RBMS3: variants seen among roughly 807,000 people sequenced by gnomAD.
RBMS3 encodes the protein RNA binding motif single stranded interacting protein 3.
Under a neutral mutation model 66.8 loss-of-function variants are expected in RBMS3, and 27 were observed. The ratio of observed to expected loss-of-function variants is 0.40; its 90% CI spans 0.30 to 0.56. The LOEUF (loss-of-function observed/expected upper bound fraction) is 0.56, where lower values mean the gene tolerates loss of function less well. RBMS3 is among the 20% of genes least tolerant of loss of function. The pLI is 0.40. For synonymous variants in RBMS3, 188 were observed against 183.0 expected, an observed-to-expected ratio of 1.03 and a Z score of -0.22; for missense variants, 513 against 549.5, an observed-to-expected ratio of 0.93 and a Z score of 0.66.
chr3:29,762,970 A>G lies in RBMS3; in HGVS notation c.618A>G (p.Lys206=). ...VIQHFNGKYL[K]TPPGIPAPSE... is the part of the protein sequence containing the mutation. ...AACATTTTAATGGAAAATATCTGAA[A>G]ACACCACCAGGCATCCCAGGTAAGA... The change falls in exon 6 of 15, where the codon AAA becomes AAG. Residue 206 remains lysine, a synonymous_variant. Transcript: ENST00000383767. The G allele has an allele frequency of 6.2e-7, 1 of 1,608,082 alleles. No homozygotes were observed. Among genetic ancestry groups the G allele is most frequent in the Non-Finnish European group, 8.5e-7 (1 of 1,176,296 alleles).
At chr3:29,764,503 C>T (rs1156527579) in intron 6 of RBMS3, among the ~76,000 whole-genome samples, 1 of 151,722 alleles carries the variant, frequency 6.6e-6, no homozygotes, top group Non-Finnish European at 1.5e-5. Flanking sequence ...CAACGGATAC[C>T]TATTTATATA....
chr3:29,514,246 T>C (rs2044524058), intron 3 of RBMS3, among the ~76,000 whole-genome samples: 1 of 152,150 alleles, frequency 6.6e-6, no homozygotes, highest in African/African-American at 2.4e-5. Flanking sequence ...TCTAAAATTT[T>C]TAGTACTTCC....
At chr3:29,806,547 C>A (rs1450433636) in intron 6 of RBMS3, among the ~76,000 whole-genome samples, 1 of 151,948 alleles carries the variant, frequency 6.6e-6, no homozygotes, top group Non-Finnish European at 1.5e-5. Context: ...ATTTTTAAAT[C>A]TGCTTGGGTA....
Position 29,646,482 on chromosome 3 carries a change from C to A in RBMS3, c.399+59277C>A, listed in dbSNP as rs184493030. On this transcript the variant is annotated intron_variant, in intron 4 of 14. Transcript: ENST00000383767. ...CATTCAAATGTTGGTTTTATTAATT[C>A]TTTAAAAGGAACAGGGAAAATGGCC... 8.5e-5 allele frequency among the ~76,000 whole-genome samples: 13 copies of A among 152,162 alleles called. 1 individual carries two copies. Among genetic ancestry groups the A allele is most frequent in the African/African-American group, 3.1e-4 (13 of 41,528 alleles).
At chr3:29,814,740 G>A (rs1033278020) in intron 6 of RBMS3, among the ~76,000 whole-genome samples, 4 of 151,928 alleles carry the variant, frequency 2.6e-5, no homozygotes, top group East Asian at 1.9e-4. Flanking sequence ...ATTTATCCAC[G>A]TGCACATTGT....
In RBMS3 at chr3:30,007,784, G is replaced by T. The variant is rs1442898861; in HGVS notation, c.*3922G>T. On this transcript the variant is annotated 3_prime_UTR_variant, in exon 15 of 15. Coordinates refer to ENST00000383767, the MANE Select transcript of RBMS3 (RefSeq NM_001003793.3). Reference sequence around the variant, plus strand: ...CGAGGATTAGTTTGTTTCCTTGGTAGATTTCAACATTTCAGAATGTTACCT... The same window carrying T: ...CGAGGATTAGTTTGTTTCCTTGGTATATTTCAACATTTCAGAATGTTACCT... 1 of 152,030 alleles carries T rather than the reference G, an allele frequency of 6.6e-6. No homozygotes were observed. Among genetic ancestry groups the T allele is most frequent in the Non-Finnish European group, 1.5e-5 (1 of 67,948 alleles). 9.4% of individuals were successfully genotyped at this position (152,030 alleles called of 1,614,324 possible). A position where few individuals can be genotyped will look rare whatever the true frequency, so the allele number is the denominator to read the frequency against.
intron 4 of RBMS3, among the ~76,000 whole-genome samples, chr3:29,692,277 C>T (rs1000010051): frequency 1.2e-4 from 18 of 151,820 alleles, no homozygotes; most frequent in African/African-American, 3.9e-4. Flanking sequence ...CCACCGCGCC[C>T]GACCTCTATA....
In RBMS3 at chr3:29,900,684, C is replaced by G. The variant is rs192486161; in HGVS notation, c.939+929C>G. Among the ~76,000 whole-genome samples, 1,113 of 151,804 alleles carry G rather than the reference C, an allele frequency of 7.3e-3. 5 individuals are homozygous for G. Among genetic ancestry groups the G allele is most frequent in the Non-Finnish European group, 0.012 (808 of 67,816 alleles). ...TGTGCATTTGTTTCCTTTTCTGACA[C>G]TATATACTTAATAGTGCTTTTGTGA... On this transcript the variant is annotated intron_variant, in intron 10 of 14. Coordinates refer to ENST00000383767, the MANE Select transcript of RBMS3 (RefSeq NM_001003793.3).
intron 10 of RBMS3, among the ~76,000 whole-genome samples, chr3:29,935,825 A>T (rs1245997867): frequency 6.6e-6 from 1 of 152,154 alleles, no homozygotes; most frequent in East Asian, 1.9e-4. Context: ...TCTACCTCAA[A>T]AAATGAAAAT....
At chr3:29,824,100 T>A (rs1451924480) in intron 6 of RBMS3, among the ~76,000 whole-genome samples, 1 of 151,912 alleles carries the variant, frequency 6.6e-6, no homozygotes, top group Non-Finnish European at 1.5e-5. Flanking sequence ...GGTCTTAATG[T>A]TTATGTCCCC....
chr3:29,994,122 G>T, intron 14 of RBMS3, among the ~76,000 whole-genome samples: 1 of 152,226 alleles, frequency 6.6e-6, no homozygotes, highest in Non-Finnish European at 1.5e-5. Context: ...CTTGGGAAGC[G>T]CAAGGGGTCA....
At chr3:29,354,485 T>A (rs1039181275) in intron 1 of RBMS3, among the ~76,000 whole-genome samples, 1 of 151,926 alleles carries the variant, frequency 6.6e-6, no homozygotes, top group Admixed American at 6.6e-5. Context: ...CATACATACG[T>A]GTGTGTGTGT....
chr3:29,407,905 T>C (rs1219581617), intron 1 of RBMS3, among the ~76,000 whole-genome samples: 1 of 152,198 alleles, frequency 6.6e-6, no homozygotes, highest in Admixed American at 6.5e-5. Flanking sequence ...AAATAAATAT[T>C]AATATCCTTA....
intron 3 of RBMS3, among the ~76,000 whole-genome samples, chr3:29,543,664 T>C (rs544637992): frequency 4.7e-4 from 71 of 152,220 alleles, no homozygotes; most frequent in Non-Finnish European, 8.8e-4. Context: ...GAACTGAGAT[T>C]GTACCACTGC....
chr3:29,624,019 TA>T, intron 4 of RBMS3, among the ~76,000 whole-genome samples: 1 of 152,214 alleles, frequency 6.6e-6, no homozygotes, highest in Non-Finnish European at 1.5e-5. Context: ...ATGCCTATAA[TA>T]ATGTTTTAAT....
At chr3:29,591,256 G>T (rs191783642) in intron 4 of RBMS3, among the ~76,000 whole-genome samples, 67 of 152,280 alleles carry the variant, frequency 4.4e-4, no homozygotes, top group Non-Finnish European at 8.5e-4. Context: ...CCTCAAAGCT[G>T]TGATTGCATC....
At chr3:29,817,278 AC>A (rs2057939539) in intron 6 of RBMS3, among the ~76,000 whole-genome samples, 2 of 149,342 alleles carry the variant, frequency 1.3e-5, no homozygotes, top group Admixed American at 1.3e-4. Context: ...AACTCCTCTC[AC>A]TGCAACCACC....
Position 29,434,804 on chromosome 3 carries a change from G to A in RBMS3, c.137G>A (p.Ser46Asn). 1.2e-6 allele frequency: 2 copies of A among 1,613,844 alleles called. No individual in the cohort carries two copies. The highest frequency in any genetic ancestry group is 2.2e-5 in the East Asian group (1 of 44,854). Residue 46 changes from serine (S) to asparagine (N), a missense_variant, in exon 2 of 15, where the codon AGC becomes AAC. By Grantham distance (46) the Ser-to-Asn change is conservative. Transcript: ENST00000383767. ...CCCAGCCCCAGCACAAACAGCAGCA[G>A]CAACAACAGCAGCAACAACAGCAGC... ...APPSPSTNSS[S>N]NNSSNNSSGE...
chr3:29,528,990 C>T (rs942410007), intron 3 of RBMS3, among the ~76,000 whole-genome samples: 3 of 151,868 alleles, frequency 2.0e-5, no homozygotes, highest in Non-Finnish European at 2.9e-5. Flanking sequence ...GTGATCCACC[C>T]ACCTTGGCCT....
Sources: gnomAD v4.1 joint callset for allele counts (sites outside exome capture counted in the v4.1 genomes callset) on GRCh38, gnomAD v4.1.1 for gene constraint, MANE v1.5 for transcripts, NCBI Gene and HGNC (gene_info 2026-07-23, HGNC 2026-07-21) for gene names.